The following PRKD3 variants were observed in gnomAD, a reference collection of about 807,000 sequenced individuals.
PRKD3 encodes the protein serine/threonine-protein kinase D3.
In PRKD3, 47 loss-of-function variants were observed where a neutral mutation model predicts 99.2. That is an observed-to-expected ratio of 0.47 (90% CI 0.38 to 0.60). PRKD3 has a LOEUF of 0.60. Among genes scored for constraint, PRKD3 ranks in the 20% least tolerant of loss-of-function variants. The pLI is 0.00. For synonymous variants in PRKD3, 392 were observed against 355.4 expected, an observed-to-expected ratio of 1.10 and a Z score of -1.16; for missense variants, 1,019 against 1,088.4, an observed-to-expected ratio of 0.94 and a Z score of 0.90.
chr2:37,311,896 ACCT>A (rs777324119), intron 2 of PRKD3, among the ~76,000 whole-genome samples: 9 of 152,060 alleles, frequency 5.9e-5, no homozygotes, highest in Non-Finnish European at 1.2e-4. Flanking sequence ...GACCTGTTTA[ACCT>A]CCTAGTTACT....
intron 16 of PRKD3, among the ~76,000 whole-genome samples, chr2:37,257,534 C>T (rs1031827247): frequency 4.6e-5 from 7 of 151,716 alleles, no homozygotes; most frequent in Non-Finnish European, 5.9e-5. Context: ...GGCGTGGTGG[C>T]GGGTGCCTGT....
At chr2:37,253,803 C>A (rs988870864) in intron 18 of PRKD3, among the ~76,000 whole-genome samples, 4 of 152,150 alleles carry the variant, frequency 2.6e-5, no homozygotes, top group African/African-American at 9.7e-5. Context: ...CCTCCTTACT[C>A]TGAAGTTTGG....
chr2:37,264,583 T>C (rs1357069591), intron 14 of PRKD3, among the ~76,000 whole-genome samples: 28 of 152,082 alleles, frequency 1.8e-4, no homozygotes, highest in Non-Finnish European at 4.4e-5. Context: ...GAAATGATAT[T>C]TGGGCAAAAT....
chr2:37,278,094 C>A, intron 8 of PRKD3, 105 bp from the exon 9 acceptor site: 1 of 903,246 alleles, frequency 1.1e-6, no homozygotes, highest in Non-Finnish European at 1.5e-6. Context: ...TAAAATTTTT[C>A]AAAATATCTT....
intron 6 of PRKD3, among the ~76,000 whole-genome samples, chr2:37,283,916 A>AC (rs1669972396): frequency 6.6e-6 from 1 of 151,854 alleles, no homozygotes; most frequent in Non-Finnish European, 1.5e-5. Flanking sequence ...AAAAAAAAAA[A>AC]AAAAATTCAG....
chr2:37,252,919 GAA>G lies in PRKD3; in HGVS notation c.*256_*257del, dbSNP rs532477575. On this transcript the variant is annotated 3_prime_UTR_variant, in exon 19 of 19. Coordinates refer to ENST00000234179, the MANE Select transcript of PRKD3 (RefSeq NM_005813.6). ...CTATTGTATTAAAGTGAAGGATTAA[GAA>G]AAAATACAAAACCAGTTATTGCTTA... The G allele has an allele frequency of 2.6e-3, 625 of 240,848 alleles. 1 individual carries two copies. The highest frequency in any genetic ancestry group is 5.2e-3 in the Middle Eastern group (4 of 776). The allele number at this position is 240,848 out of a possible 1,614,324, so 14.9% of individuals were successfully genotyped here.
chr2:37,304,665 C>T (rs1271620697), intron 2 of PRKD3, among the ~76,000 whole-genome samples: 1 of 151,172 alleles, frequency 6.6e-6, no homozygotes, highest in East Asian at 1.9e-4. Flanking sequence ...TCACTTGAAC[C>T]TGGGAGGTGG....
intron 5 of PRKD3, among the ~76,000 whole-genome samples, chr2:37,288,899 C>A (rs908285159): frequency 6.6e-6 from 1 of 151,872 alleles, no homozygotes. Context: ...ACTAAACATA[C>A]AAAAATCAGC....
chr2:37,253,348 G>A lies in PRKD3; in HGVS notation c.2502C>T (p.Asp834=), dbSNP rs761299125. Residue 834 remains aspartate, a splice_region_variant and synonymous_variant, in exon 19 of 19, where the codon GAC becomes GAT. Transcript: ENST00000234179. The part of the protein sequence containing the change: ...DKSLSHPWLQ[D]YQTWLDLREF... ...CTCTAAGGTCAAGCCAAGTCTGATA[G>A]TCCTAGGAGAAAATGAAATTGTAAT... The A allele has an allele frequency of 1.8e-5, 28 of 1,596,404 alleles. No individual in the cohort carries two copies. Among genetic ancestry groups the A allele is most frequent in the Non-Finnish European group, 2.4e-5 (28 of 1,169,588 alleles).
At position 37,322,408 on chromosome 2, in the gene PRKD3, T is replaced by C. The variant is rs374669284; in HGVS notation, c.-656+2273A>G. 5.9e-5 allele frequency among the ~76,000 whole-genome samples: 9 copies of C among 152,384 alleles called. No individual in the cohort carries two copies. The South Asian group carries it at 8.3e-4, about 14-fold the overall frequency. On this transcript the variant is annotated intron_variant, in intron 1 of 18. Coordinates refer to ENST00000234179, the MANE Select transcript of PRKD3 (RefSeq NM_005813.6). ...ATTTGCTAAATTGTTTCCTCTAAAA[T>C]TCTGCTCATCTGGACCAGTGACAGT...
Position 37,252,163 on chromosome 2 carries a change from A to AGGGG in PRKD3, c.*1013_*1014insCCCC, listed in dbSNP as rs1667552565. The AGGGG allele has an allele frequency of 6.6e-6, 1 of 152,224 alleles. No individual in the cohort carries two copies. Among genetic ancestry groups the AGGGG allele is most frequent in the Non-Finnish European group, 1.5e-5 (1 of 68,042 alleles). The allele number at this position is 152,224 out of a possible 1,614,324, so 9.4% of individuals were successfully genotyped here. A position where few individuals can be genotyped will look rare whatever the true frequency, so the allele number is the denominator to read the frequency against. ...ACTTTAAAACACTCCAGATATCTGC[A>AGGGG]AAGCCCAATAGGCTAGGGGAAGGAG... On this transcript the variant is annotated 3_prime_UTR_variant, in exon 19 of 19. Transcript: ENST00000234179.
At chr2:37,305,409 T>C (rs1244130501) in intron 2 of PRKD3, among the ~76,000 whole-genome samples, 1 of 152,246 alleles carries the variant, frequency 6.6e-6, no homozygotes, top group African/African-American at 2.4e-5. Context: ...TTAAAATGAA[T>C]TGCTGTCTAC....
At chr2:37,273,086 T>C (rs574870146) in intron 11 of PRKD3, among the ~76,000 whole-genome samples, 3 of 151,924 alleles carry the variant, frequency 2.0e-5, no homozygotes, top group Admixed American at 1.3e-4. Flanking sequence ...AGAGGTGGGG[T>C]TGGGGGACAA....
At chr2:37,306,611 C>G (rs1329178739) in intron 2 of PRKD3, among the ~76,000 whole-genome samples, 2 of 152,086 alleles carry the variant, frequency 1.3e-5, no homozygotes, top group African/African-American at 2.4e-5. Flanking sequence ...GAGTTCAAGA[C>G]CAGCCTGGGC....
intron 2 of PRKD3, among the ~76,000 whole-genome samples, chr2:37,313,189 A>T (rs540616662): frequency 6.6e-6 from 1 of 152,204 alleles, no homozygotes; most frequent in African/African-American, 2.4e-5. Context: ...CAGCTACTCA[A>T]CTCTGCTGCT....
At chr2:37,295,590 A>G (rs1388187924) in intron 2 of PRKD3, among the ~76,000 whole-genome samples, 1 of 152,198 alleles carries the variant, frequency 6.6e-6, no homozygotes, top group Non-Finnish European at 1.5e-5. Flanking sequence ...CCTACTAACT[A>G]TAGCACCTTA....
chr2:37,309,579 G>A (rs533768194), intron 2 of PRKD3, among the ~76,000 whole-genome samples: 1 of 152,050 alleles, frequency 6.6e-6, no homozygotes, highest in African/African-American at 2.4e-5. Context: ...AAGCACGGTG[G>A]CCAATCACAC....
chr2:37,304,820 C>G (rs1011153249), intron 2 of PRKD3, among the ~76,000 whole-genome samples: 1 of 150,860 alleles, frequency 6.6e-6, no homozygotes, highest in Non-Finnish European at 1.5e-5. Context: ...CTTTCTGATA[C>G]CAACCAAAGC....
chr2:37,273,002 T>C (rs1190178543), intron 11 of PRKD3, among the ~76,000 whole-genome samples: 2 of 150,962 alleles, frequency 1.3e-5, no homozygotes, highest in African/African-American at 4.9e-5. Flanking sequence ...GGGGGGGAAG[T>C]GGAGTCAAGG....
Sources: allele counts gnomAD v4.1 joint callset (sites outside exome capture counted in the v4.1 genomes callset), GRCh38; gene constraint gnomAD v4.1.1; transcripts MANE v1.5; gene names NCBI Gene and HGNC (gene_info 2026-07-23, HGNC 2026-07-21).